The following EPS15 variants were observed in gnomAD, a reference collection of about 807,000 sequenced individuals.
EPS15 encodes the protein epidermal growth factor receptor substrate 15.
In EPS15, 72 loss-of-function variants were observed where a neutral mutation model predicts 113.8. The ratio of observed to expected loss-of-function variants is 0.63; its 90% CI spans 0.52 to 0.77. The LOEUF (loss-of-function observed/expected upper bound fraction) is 0.77, where lower values mean the gene tolerates loss of function less well. EPS15 is among the 30% of genes least tolerant of loss of function. The pLI, the probability that EPS15 is intolerant of heterozygous loss-of-function variation, is 0.00. For synonymous variants in EPS15, 344 were observed against 363.4 expected (o/e 0.95, Z 0.61); for missense variants, 1,048 against 1,045.8 (o/e 1.00, Z -0.03).
chr1:51,394,569 G>T, intron 20 of EPS15, 122 bp from the exon 21 acceptor site: 1 of 495,056 alleles, frequency 2.0e-6, no homozygotes, highest in Non-Finnish European at 3.6e-6. Context: ...TAGACATTAG[G>T]AACAAATGTT....
At chr1:51,477,658 T>C (rs577837651) in intron 2 of EPS15, among the ~76,000 whole-genome samples, 3 of 152,344 alleles carry the variant, frequency 2.0e-5, no homozygotes, top group Admixed American at 6.5e-5. Flanking sequence ...GTTGTGTCTT[T>C]GTTCTCGTTG....
intron 13 of EPS15, among the ~76,000 whole-genome samples, chr1:51,413,006 T>A (rs1230636654): frequency 6.6e-6 from 1 of 152,208 alleles, no homozygotes; most frequent in East Asian, 1.9e-4. Flanking sequence ...GAGGATTAAG[T>A]AAAACTTGCT....
chr1:51,484,299 C>T (rs989485920), intron 1 of EPS15, among the ~76,000 whole-genome samples: 2 of 151,806 alleles, frequency 1.3e-5, no homozygotes, highest in East Asian at 3.9e-4. Context: ...TAGTCGCTCG[C>T]GCCTGTAATC....
intron 12 of EPS15, among the ~76,000 whole-genome samples, chr1:51,429,705 C>T (rs1288297744): frequency 2.0e-5 from 3 of 148,622 alleles, no homozygotes; most frequent in African/African-American, 5.0e-5. Flanking sequence ...GGTTGGAGTG[C>T]AGTGGCGCGA....
At chr1:51,488,191 T>C (rs560328930) in intron 1 of EPS15, among the ~76,000 whole-genome samples, 1 of 152,182 alleles carries the variant, frequency 6.6e-6, no homozygotes, top group Non-Finnish European at 1.5e-5. Flanking sequence ...GTGATCAGTA[T>C]ATAAAACTGC....
intron 15 of EPS15, among the ~76,000 whole-genome samples, chr1:51,407,104 T>G (rs952810623): frequency 6.6e-6 from 1 of 152,212 alleles, no homozygotes; most frequent in Non-Finnish European, 1.5e-5. Context: ...ATATGTAACC[T>G]TGAGAAAGTT....
At chr1:51,395,653 G>C (rs1318660387) in intron 20 of EPS15, among the ~76,000 whole-genome samples, 1 of 152,198 alleles carries the variant, frequency 6.6e-6, no homozygotes, top group Non-Finnish European at 1.5e-5. Flanking sequence ...CCAGATGCCA[G>C]CGATTCTGGC....
At position 51,461,081 on chromosome 1, in the gene EPS15, G is replaced by A; in HGVS notation, c.561+10C>T. The A allele has an allele frequency of 6.4e-7, 1 of 1,551,094 alleles. No homozygotes were observed. The highest frequency in any genetic ancestry group is 1.1e-5 in the South Asian group (1 of 89,688). ...GATAATGAAGATGTTAAGAACATTA[G>A]ATTACTTACAACTGCAAACTCATCT... is the stretch of plus-strand genomic sequence containing the variant. On this transcript the variant is annotated intron_variant, in intron 8 of 24. Coordinates refer to ENST00000371733, the MANE Select transcript of EPS15 (RefSeq NM_001981.3).
chr1:51,368,090 CCACTG>C (rs1318476269), intron 21 of EPS15, among the ~76,000 whole-genome samples: 1 of 151,482 alleles, frequency 6.6e-6, no homozygotes, highest in Non-Finnish European at 1.5e-5. Flanking sequence ...TGAGATTGCG[CCACTG>C]CACTCCAGCC....
intron 16 of EPS15, among the ~76,000 whole-genome samples, chr1:51,404,216 C>T (rs1648873420): frequency 2.6e-5 from 4 of 152,034 alleles, no homozygotes; most frequent in Admixed American, 2.6e-4. Flanking sequence ...TGTGGTGGCA[C>T]ACGCCTGTAG....
chr1:51,379,506 C>T (rs528770165), intron 21 of EPS15, among the ~76,000 whole-genome samples: 1 of 152,330 alleles, frequency 6.6e-6, no homozygotes, highest in East Asian at 1.9e-4. Context: ...GAAAAAAACA[C>T]TGTCAACTGA....
intron 1 of EPS15, among the ~76,000 whole-genome samples, chr1:51,486,293 C>A (rs1469897798): frequency 6.6e-6 from 1 of 151,360 alleles, no homozygotes; most frequent in Non-Finnish European, 1.5e-5. Context: ...GACATGGTGG[C>A]GGGCACCTGT....
chr1:51,468,202 C>T (rs35021535), intron 5 of EPS15, among the ~76,000 whole-genome samples: 1 of 152,110 alleles, frequency 6.6e-6, no homozygotes. Flanking sequence ...TCAAATGATC[C>T]TCCCACTTCT....
In EPS15 at chr1:51,355,187, CTAAT is replaced by C. The variant is rs1646193114; in HGVS notation, c.*1509_*1512del. The C allele has an allele frequency of 4.6e-6, 1 of 218,712 alleles. No individual in the cohort carries two copies. Among genetic ancestry groups the C allele is most frequent in the Non-Finnish European group, 9.2e-6 (1 of 108,736 alleles). The allele number at this position is 218,712 out of a possible 1,614,324, so 13.5% of individuals were successfully genotyped here. A position where few individuals can be genotyped will look rare whatever the true frequency, so the allele number is the denominator to read the frequency against. ...AAAGTTTGTTTTAAACTGTAGGAGT[CTAAT>C]TGTGTAATGGAAAGAAAACAAAACA... On this transcript the variant is annotated 3_prime_UTR_variant, in exon 25 of 25. Transcript: ENST00000371733.
intron 21 of EPS15, among the ~76,000 whole-genome samples, chr1:51,369,062 A>G (rs1646579736): frequency 6.6e-6 from 1 of 152,180 alleles, no homozygotes; most frequent in Non-Finnish European, 1.5e-5. Context: ...ACAAGTCACA[A>G]CATGTGTGCA....
chr1:51,388,998 A>T (rs971600745), intron 21 of EPS15, among the ~76,000 whole-genome samples: 24 of 152,322 alleles, frequency 1.6e-4, no homozygotes, highest in African/African-American at 2.4e-4. Flanking sequence ...TACCAAAGCC[A>T]GGCAGAGATG....
At chr1:51,455,317 C>T (rs560626979) in intron 8 of EPS15, among the ~76,000 whole-genome samples, 91 of 151,104 alleles carry the variant, frequency 6.0e-4, no homozygotes, top group Non-Finnish European at 9.9e-4. Context: ...CCTTTGGGCA[C>T]GGTGACTCAC....
chr1:51,386,794 A>C (rs1647088799), intron 21 of EPS15, among the ~76,000 whole-genome samples: 1 of 152,228 alleles, frequency 6.6e-6, no homozygotes, highest in African/African-American at 2.4e-5. Context: ...AAACGAACAA[A>C]GCCTCCAAGA....
At chr1:51,447,803 A>G (rs1653188299) in intron 9 of EPS15, 1 of 170,242 alleles carries the variant, frequency 5.9e-6, no homozygotes. Context: ...GGAGTATCAC[A>G]TTATGCAGGT....
Sources: allele counts gnomAD v4.1 joint callset (sites outside exome capture counted in the v4.1 genomes callset), GRCh38; gene constraint gnomAD v4.1.1; transcripts MANE v1.5; gene names NCBI Gene and HGNC (gene_info 2026-07-23, HGNC 2026-07-21).